Variants in RAP1GAP2 observed in about 807,000 individuals in gnomAD.
RAP1GAP2 encodes RAP1 GTPase activating protein 2.
A neutral mutation model predicts 95.0 loss-of-function variants in RAP1GAP2; 27 were observed. That is an observed-to-expected ratio of 0.28 (90% CI 0.21 to 0.39). The LOEUF (loss-of-function observed/expected upper bound fraction) is 0.39. RAP1GAP2 is among the 10% of genes least tolerant of loss of function. The probability of loss-of-function intolerance (pLI) is 1.00; values close to 1 mark genes in which losing one functional copy is unlikely to be tolerated. For missense variants in RAP1GAP2, 771 were observed against 970.0 expected, an observed-to-expected ratio of 0.79 and a Z score of 2.72; for synonymous variants, 373 against 380.9, an observed-to-expected ratio of 0.98 and a Z score of 0.24.
At chr17:2,995,936 C>T (rs1361170670) in intron 13 of RAP1GAP2, among the ~76,000 whole-genome samples, 1 of 125,808 alleles carries the variant, frequency 7.9e-6, no homozygotes, top group Non-Finnish European at 1.7e-5. Context: ...AGCCAGTTAA[C>T]CTTCTCATCT....
upstream of RAP1GAP2, among the ~76,000 whole-genome samples, chr17:2,776,511 C>T (rs1244026859): frequency 6.6e-6 from 1 of 152,080 alleles, no homozygotes; most frequent in African/African-American, 2.4e-5. Flanking sequence ...GAGCTCAGGA[C>T]CCGCTGTACC....
chr17:2,801,870 TGC>T (rs1274308980), intron 2 of RAP1GAP2, among the ~76,000 whole-genome samples: 1 of 152,134 alleles, frequency 6.6e-6, no homozygotes, highest in Non-Finnish European at 1.5e-5. Context: ...CTTTTTCCTC[TGC>T]GTTTCTGGCC....
intron 1 of RAP1GAP2, among the ~76,000 whole-genome samples, chr17:2,782,037 G>A (rs1215067345): frequency 1.3e-5 from 2 of 152,242 alleles, no homozygotes; most frequent in Non-Finnish European, 2.9e-5. Flanking sequence ...CCTACTGGGT[G>A]TCTCCAGGGT....
chr17:2,988,065 C>T (rs955023739), intron 11 of RAP1GAP2, among the ~76,000 whole-genome samples: 1 of 152,070 alleles, frequency 6.6e-6, no homozygotes, highest in African/African-American at 2.4e-5. Flanking sequence ...ACAAAATTAG[C>T]CAGGAGTGGT....
chr17:2,988,800 G>A (rs896943084), intron 11 of RAP1GAP2, among the ~76,000 whole-genome samples: 1 of 152,174 alleles, frequency 6.6e-6, no homozygotes, highest in Non-Finnish European at 1.5e-5. Flanking sequence ...AGTGGCTCAC[G>A]CCTGTAATCC....
At position 2,857,605 on chromosome 17, in the gene RAP1GAP2, G is replaced by A. The variant is rs569897544; in HGVS notation, c.81-47679G>A. Reference sequence around the variant, plus strand: ...CATGGGATCCTGTAAAAGCAGTGGCGTGTCTGAGAGGGGATTGGGTTTGAG... The same window carrying A: ...CATGGGATCCTGTAAAAGCAGTGGCATGTCTGAGAGGGGATTGGGTTTGAG... On this transcript the variant is annotated intron_variant, in intron 2 of 24. Coordinates refer to ENST00000254695, the MANE Select transcript of RAP1GAP2 (RefSeq NM_015085.5). This position sits in a 1 kb window ranked among gnomAD's most constrained non-coding sequence, Gnocchi z 4.0. Among the ~76,000 whole-genome samples the A allele has an allele frequency of 4.6e-5, 7 of 152,300 alleles. No homozygotes were observed. Among genetic ancestry groups the A allele is most frequent in the South Asian group, 4.1e-4 (2 of 4,824 alleles).
chr17:2,760,759 C>T (rs180960175), intron 1 of RAP1GAP2, among the ~76,000 whole-genome samples: 1 of 152,048 alleles, frequency 6.6e-6, no homozygotes, highest in Admixed American at 6.6e-5. Flanking sequence ...CGTTGAGCTC[C>T]TCTTAGCTGT....
At chr17:2,924,597 C>T (rs1272883003) in intron 3 of RAP1GAP2, among the ~76,000 whole-genome samples, 1 of 150,018 alleles carries the variant, frequency 6.7e-6, no homozygotes, top group Non-Finnish European at 1.5e-5. Flanking sequence ...GGAGAGAGGC[C>T]AGTGGCATTA....
rs550522610 is a variant in RAP1GAP2 at position 3,001,619 on chromosome 17, G to A, written c.1200+3243G>A. On this transcript the variant is annotated intron_variant, in intron 14 of 24. Coordinates refer to ENST00000254695, the MANE Select transcript of RAP1GAP2 (RefSeq NM_015085.5). Reference sequence around the variant, plus strand: ...TCAGCCTCAGGGCCTTCCTGATGCCGGAGAAGGGATAGAAGAAGCAGGGAG... The same window carrying A: ...TCAGCCTCAGGGCCTTCCTGATGCCAGAGAAGGGATAGAAGAAGCAGGGAG... Among the ~76,000 whole-genome samples the A allele has an allele frequency of 2.7e-5, 4 of 147,808 alleles. No homozygotes were observed. In the East Asian group the frequency reaches 6.0e-4, roughly 22 times the overall value.
intron 2 of RAP1GAP2, among the ~76,000 whole-genome samples, chr17:2,887,680 G>GTT (rs34743914): frequency 8.0e-4 from 111 of 138,456 alleles, no homozygotes; most frequent in African/African-American, 1.8e-3. Context: ...TGGTTTTTTT[G>GTT]TTTTTTTTTT....
At chr17:2,773,240 G>T (rs563760783), upstream of RAP1GAP2, among the ~76,000 whole-genome samples, 47 of 152,274 alleles carry the variant, frequency 3.1e-4, no homozygotes, top group African/African-American at 1.1e-3. Flanking sequence ...AAGAGGAGGT[G>T]TGTGGGCACT....
At chr17:2,833,212 G>A (rs1278023706) in intron 2 of RAP1GAP2, among the ~76,000 whole-genome samples, 1 of 148,930 alleles carries the variant, frequency 6.7e-6, no homozygotes, top group Admixed American at 6.7e-5. Context: ...GTGCAATCTC[G>A]GTTCACTGCA....
At position 2,963,208 on chromosome 17, in the gene RAP1GAP2, A is replaced by G; in HGVS notation, c.247-222A>G. On this transcript the variant is annotated intron_variant, in intron 5 of 24. Transcript: ENST00000254695. This position sits in a 1 kb window ranked among gnomAD's most constrained non-coding sequence, Gnocchi z 4.8. ...GGTGAGAAGTTCAGCACCTTCGGAC[A>G]CTGCATCATCAGCTGGCAGGGTTTA... 2 of 619,908 alleles carry G rather than the reference A, an allele frequency of 3.2e-6. No individual in the cohort carries two copies. Among genetic ancestry groups the G allele is most frequent in the South Asian group, 1.9e-5 (1 of 52,738 alleles). 38.4% of individuals were successfully genotyped at this position (619,908 alleles called of 1,614,324 possible).
At chr17:2,832,824 A>C (rs2070947649) in intron 2 of RAP1GAP2, among the ~76,000 whole-genome samples, 1 of 151,480 alleles carries the variant, frequency 6.6e-6, no homozygotes, top group Admixed American at 6.6e-5. Context: ...AAAAATACAA[A>C]AAGTAGCTGG....
chr17:2,969,449 AAT>A (rs1402755591), intron 8 of RAP1GAP2, among the ~76,000 whole-genome samples: 1 of 150,278 alleles, frequency 6.7e-6, no homozygotes, highest in East Asian at 1.9e-4. Context: ...ACACACACAC[AAT>A]AAATAAATAA....
intron 2 of RAP1GAP2, among the ~76,000 whole-genome samples, chr17:2,822,742 C>T (rs2070366496): frequency 6.9e-6 from 1 of 143,936 alleles, no homozygotes; most frequent in East Asian, 2.2e-4. Context: ...TTTTAGCGTA[C>T]ATGTGCACAA....
rs1047605868 is a variant in RAP1GAP2, at chr17:3,029,824, A to G, written c.2108-1098A>G. On this transcript the variant is annotated intron_variant, in intron 22 of 24. Coordinates refer to ENST00000254695, the MANE Select transcript of RAP1GAP2 (RefSeq NM_015085.5). This position sits in a 1 kb window ranked among gnomAD's most constrained non-coding sequence, Gnocchi z 4.4. ...ACTCACACACACTTAACGGAATTTT[A>G]TTATACGATGGATGTCAAACCCAGT... Among the ~76,000 whole-genome samples the G allele has an allele frequency of 1.3e-5, 2 of 151,974 alleles. No individual in the cohort carries two copies. The highest frequency in any genetic ancestry group is 4.8e-5 in the African/African-American group (2 of 41,344).
At chr17:2,960,135 A>C (rs1567824785) in intron 4 of RAP1GAP2, among the ~76,000 whole-genome samples, 1 of 151,358 alleles carries the variant, frequency 6.6e-6, no homozygotes, top group Admixed American at 6.6e-5. Flanking sequence ...AAAAAAAAAA[A>C]AAAAAACAAC....
At chr17:2,939,486 T>A (rs1338085269) in intron 3 of RAP1GAP2, among the ~76,000 whole-genome samples, 2 of 152,178 alleles carry the variant, frequency 1.3e-5, no homozygotes, top group Admixed American at 6.5e-5. Flanking sequence ...CTTTTACTTG[T>A]TTTTATTTTT....
Sources: gnomAD v4.1 joint callset for allele counts (sites outside exome capture counted in the v4.1 genomes callset) on GRCh38, gnomAD v4.1.1 for gene constraint, Gnocchi (gnomAD v3.1) non-coding constraint, MANE v1.5 for transcripts, NCBI Gene and HGNC (gene_info 2026-07-23, HGNC 2026-07-21) for gene names.